Variants in RNF130 observed in about 807,000 individuals in gnomAD.
RNF130 encodes the protein ring finger protein 130.
A neutral mutation model predicts 44.6 loss-of-function variants in RNF130; 21 were observed. The ratio of observed to expected loss-of-function variants is 0.47; its 90% CI spans 0.33 to 0.68. The LOEUF (loss-of-function observed/expected upper bound fraction) is 0.68, where lower values mean the gene tolerates loss of function less well. Among genes scored for constraint, RNF130 ranks in the 30% least tolerant of loss-of-function variants. RNF130 has a pLI of 0.02. For missense variants in RNF130, 479 were observed against 560.6 expected (o/e 0.85, Z 1.47); for synonymous variants, 214 against 210.4 (o/e 1.02, Z -0.15).
chr5:180,003,802 TCACCTAAACAC>T (rs1384928128), intron 3 of RNF130, among the ~76,000 whole-genome samples: 1 of 152,202 alleles, frequency 6.6e-6, no homozygotes, highest in African/African-American at 2.4e-5. Context: ...TCTCTTACCT[TCACCTAAACAC>T]CATGCCATTA....
chr5:180,021,102 A>G (rs1763861977), intron 2 of RNF130, among the ~76,000 whole-genome samples: 1 of 151,776 alleles, frequency 6.6e-6, no homozygotes, highest in Non-Finnish European at 1.5e-5. Context: ...AGTAGCTGCA[A>G]TGTCAGACAC....
intron 2 of RNF130, among the ~76,000 whole-genome samples, chr5:180,032,477 T>C (rs931151012): frequency 1.3e-5 from 2 of 152,142 alleles, no homozygotes; most frequent in Non-Finnish European, 2.9e-5. Context: ...GCTCAAGTGA[T>C]TCTACCACTT....
At chr5:180,068,701 C>T (rs1216073717) in intron 1 of RNF130, among the ~76,000 whole-genome samples, 2 of 152,218 alleles carry the variant, frequency 1.3e-5, no homozygotes, top group Non-Finnish European at 2.9e-5. Flanking sequence ...ATAAATCAAT[C>T]CACAGCTTCA....
downstream of RNF130, among the ~76,000 whole-genome samples, chr5:179,953,854 G>C (rs155575): frequency 0.61 from 92,510 of 151,998 alleles, 28,514 homozygotes; most frequent in Middle Eastern, 0.8. Flanking sequence ...ATTTGCAAAT[G>C]ACCTATCTGA....
At chr5:179,999,413 T>C (rs1295407367) in intron 3 of RNF130, among the ~76,000 whole-genome samples, 2 of 152,202 alleles carry the variant, frequency 1.3e-5, no homozygotes, top group Non-Finnish European at 2.9e-5. Flanking sequence ...TTTTAGCCTA[T>C]ATGTGCCTTT....
Position 179,985,153 on chromosome 5 carries a change from C to CTTTT in RNF130, c.694-4957_694-4954dup, listed in dbSNP as rs34998254. 9.8e-4 allele frequency among the ~76,000 whole-genome samples: 90 copies of CTTTT among 91,964 alleles called. 2 individuals carry two copies. The highest frequency in any genetic ancestry group is 3.3e-3 in the South Asian group (8 of 2,420). The allele number at this position is 91,964 out of a possible 152,430, so 60.3% of individuals were successfully genotyped here. A position where few individuals can be genotyped will look rare whatever the true frequency, so the allele number is the denominator to read the frequency against. On this transcript the variant is annotated intron_variant, in intron 3 of 8. Coordinates refer to ENST00000521389, the MANE Select transcript of RNF130 (RefSeq NM_018434.6). ...CATCTTGAAACCCTTTACCCCCTAA[C>CTTTT]TTTTTTTTTTTTTTTTTTTTTTGCC... is the stretch of plus-strand genomic sequence containing the variant.
intron 1 of RNF130, among the ~76,000 whole-genome samples, chr5:180,049,773 T>C (rs1764647007): frequency 6.6e-6 from 1 of 152,222 alleles, no homozygotes; most frequent in Non-Finnish European, 1.5e-5. Context: ...TATTATTTTA[T>C]TGTGTTCTTA....
intron 3 of RNF130, among the ~76,000 whole-genome samples, chr5:180,010,022 C>T (rs966147421): frequency 1.1e-4 from 17 of 151,958 alleles, no homozygotes; most frequent in South Asian, 2.1e-4. Context: ...CTGAGGTGGG[C>T]GGATCACAAG....
At chr5:179,920,250 A>G (rs1761608178) in exon 8 of RNF130, 2 of 666,778 alleles carry the variant, frequency 3.0e-6, no homozygotes, top group Admixed American at 4.3e-5. Context: ...AGAATACAAA[A>G]TAAGAAAGGT....
chr5:179,982,546 A>G (rs1762861901), intron 3 of RNF130, among the ~76,000 whole-genome samples: 1 of 148,446 alleles, frequency 6.7e-6, no homozygotes, highest in Admixed American at 6.7e-5. Context: ...TCTCACCAAC[A>G]CTTGGTATGG....
chr5:180,043,713 C>A (rs377659214), intron 1 of RNF130, among the ~76,000 whole-genome samples: 26 of 152,148 alleles, frequency 1.7e-4, no homozygotes, highest in African/African-American at 6.3e-4. Flanking sequence ...CCACTGAGAA[C>A]AGATTCTATG....
intron 7 of RNF130, among the ~76,000 whole-genome samples, chr5:179,947,636 G>A (rs969999400): frequency 1.3e-5 from 2 of 152,204 alleles, no homozygotes; most frequent in Non-Finnish European, 2.9e-5. Context: ...GTTAATAAGA[G>A]GGTTGTTGCA....
At chr5:179,998,859 T>TTATATATATATATATATATA (rs61232613) in intron 3 of RNF130, among the ~76,000 whole-genome samples, 13 of 88,726 alleles carry the variant, frequency 1.5e-4, no homozygotes, top group African/African-American at 3.0e-4. Context: ...CTAGTATTTT[T>TTATATATATATATATATATA]TATATATATA....
chr5:180,060,024 G>A (rs1458751535), intron 1 of RNF130, among the ~76,000 whole-genome samples: 1 of 152,204 alleles, frequency 6.6e-6, no homozygotes, highest in Non-Finnish European at 1.5e-5. Flanking sequence ...AAATGTGGGT[G>A]ACAGACGGAG....
chr5:180,003,530 C>T (rs248318), intron 3 of RNF130, among the ~76,000 whole-genome samples: 19,353 of 152,172 alleles, frequency 0.13, 1,403 homozygotes, highest in East Asian at 0.27. Flanking sequence ...TTGGACTTGG[C>T]TTCAGTATTA....
intron 7 of RNF130, chr5:179,964,136 G>C (rs1762390755): frequency 6.6e-6 from 1 of 152,480 alleles, no homozygotes; most frequent in South Asian, 2.1e-4. Context: ...ACATCTCACT[G>C]GTGTCTCAAG....
intron 1 of RNF130, among the ~76,000 whole-genome samples, chr5:180,056,122 C>T (rs1333564325): frequency 2.6e-5 from 4 of 151,852 alleles, no homozygotes; most frequent in Non-Finnish European, 5.9e-5. Context: ...ACAAACAAAC[C>T]ATCACCACCA....
intron 7 of RNF130, among the ~76,000 whole-genome samples, chr5:179,940,299 C>T (rs905074523): frequency 6.6e-6 from 1 of 151,788 alleles, no homozygotes; most frequent in Non-Finnish European, 1.5e-5. Flanking sequence ...CGGCTCACTG[C>T]AACTTCCGCT....
At chr5:180,060,857 C>T (rs1764964000) in intron 1 of RNF130, among the ~76,000 whole-genome samples, 1 of 152,028 alleles carries the variant, frequency 6.6e-6, no homozygotes, top group Non-Finnish European at 1.5e-5. Context: ...ATCACGAGGT[C>T]GGGCGATCGA....
Sources: gnomAD v4.1 joint callset for allele counts (sites outside exome capture counted in the v4.1 genomes callset) on GRCh38, gnomAD v4.1.1 for gene constraint, MANE v1.5 for transcripts, NCBI Gene and HGNC (gene_info 2026-07-23, HGNC 2026-07-21) for gene names.